MTFMT: variants seen among roughly 807,000 people sequenced by gnomAD.
MTFMT encodes mitochondrial methionyl-tRNA formyltransferase, also known as methionyl-tRNA formyltransferase, mitochondrial.
Under a neutral mutation model 51.8 loss-of-function variants are expected in MTFMT, and 47 were observed. That is an observed-to-expected ratio of 0.91 (90% CI 0.72 to 1.16). MTFMT has a LOEUF of 1.16. Ranked by LOEUF, MTFMT falls within the 50% of genes most tolerant of loss-of-function variation. The pLI is 0.00. For synonymous variants in MTFMT, 196 were observed against 176.7 expected (o/e 1.11, Z -0.87); for missense variants, 512 against 482.3 (o/e 1.06, Z -0.58).
At chr15:65,005,102 T>C (rs1289165569) in intron 7 of MTFMT, among the ~76,000 whole-genome samples, 166 bp from the exon 8 acceptor site, 1 of 152,236 alleles carries the variant, frequency 6.6e-6, no homozygotes, top group Non-Finnish European at 1.5e-5. Context: ...GAAACCACAG[T>C]GCTCTCTGTA....
At chr15:65,028,248 C>T (rs375713986) in intron 1 of MTFMT, among the ~76,000 whole-genome samples, 1 of 152,044 alleles carries the variant, frequency 6.6e-6, no homozygotes, top group Non-Finnish European at 1.5e-5. Context: ...GGTGAAAACC[C>T]GCCTCTACAA....
At chr15:65,023,876 C>A in intron 2 of MTFMT, 82 bp from the exon 3 acceptor site, 1 of 1,245,054 alleles carries the variant, frequency 8.0e-7, no homozygotes, top group South Asian at 2.2e-5. Context: ...TGCTACTTTT[C>A]ATTAGGAAAC....
At chr15:65,011,816 T>C (rs757494647) in intron 6 of MTFMT, among the ~76,000 whole-genome samples, 1 of 152,106 alleles carries the variant, frequency 6.6e-6, no homozygotes, top group Non-Finnish European at 1.5e-5. Context: ...TTTTACTTTG[T>C]TGATAGTGTC....
chr15:65,007,433 TATGA>T (rs1377774371), intron 6 of MTFMT, among the ~76,000 whole-genome samples: 1 of 152,248 alleles, frequency 6.6e-6, no homozygotes, highest in Non-Finnish European at 1.5e-5. Context: ...TAACCCATTT[TATGA>T]ATATGTAATT....
intron 6 of MTFMT, among the ~76,000 whole-genome samples, chr15:65,008,200 T>C (rs1698132488): frequency 6.6e-6 from 1 of 152,210 alleles, no homozygotes; most frequent in South Asian, 2.1e-4. Context: ...TACATATGCA[T>C]TGTTATAATA....
intron 6 of MTFMT, among the ~76,000 whole-genome samples, chr15:65,008,941 TATC>T (rs138803026): frequency 0.073 from 11,189 of 152,256 alleles, 548 homozygotes; most frequent in Admixed American, 0.12. Flanking sequence ...AAGCTCACCT[TATC>T]ATCAGAGCAT....
chr15:65,003,421 T>C (rs1008830276), intron 8 of MTFMT, among the ~76,000 whole-genome samples, 165 bp from the exon 9 acceptor site: 7 of 152,210 alleles, frequency 4.6e-5, no homozygotes, highest in Admixed American at 3.9e-4. Context: ...TAGAATTCCT[T>C]GACTCTATTA....
chr15:65,029,000 G>C (rs1218930897), intron 1 of MTFMT, among the ~76,000 whole-genome samples: 1 of 152,104 alleles, frequency 6.6e-6, no homozygotes. Context: ...AGTGGGACCT[G>C]GTTTTAGTCC....
chr15:65,002,982 AAAG>A lies in MTFMT; in HGVS notation c.*77_*79del. On this transcript the variant is annotated 3_prime_UTR_variant, in exon 9 of 9. Coordinates refer to ENST00000220058, the MANE Select transcript of MTFMT (RefSeq NM_139242.4). ...TGTCTCAAAAAAAAAAAAAAAAAAA[AAAG>A]TCCAGATAATTCCTTGTAAATAAGG... 2.0e-6 allele frequency: 2 copies of A among 985,110 alleles called. No homozygotes were observed. The highest frequency in any genetic ancestry group is 2.8e-5 in the South Asian group (1 of 35,988). The allele number at this position is 985,110 out of a possible 1,614,324, so 61.0% of individuals were successfully genotyped here.
intron 1 of MTFMT, chr15:65,029,181 G>A (rs2086456529): frequency 3.7e-6 from 3 of 812,062 alleles, no homozygotes; most frequent in Admixed American, 1.2e-4. Flanking sequence ...AACCCACAGA[G>A]GCGGCGGGGA....
intron 4 of MTFMT, among the ~76,000 whole-genome samples, chr15:65,021,281 A>C (rs1009865977): frequency 3.3e-5 from 5 of 152,258 alleles, no homozygotes; most frequent in African/African-American, 1.2e-4. Context: ...GTAGTAGGTC[A>C]TGTAAGATCA....
At chr15:65,028,761 G>C (rs1483096228) in intron 1 of MTFMT, among the ~76,000 whole-genome samples, 1 of 152,218 alleles carries the variant, frequency 6.6e-6, no homozygotes, top group African/African-American at 2.4e-5. Flanking sequence ...TGGACTCTCA[G>C]GACTGGTTGG....
chr15:65,007,889 A>G (rs141076794), intron 6 of MTFMT, among the ~76,000 whole-genome samples: 1 of 152,124 alleles, frequency 6.6e-6, no homozygotes, highest in East Asian at 1.9e-4. Context: ...GTTGACTTTT[A>G]ATCTTGGGGA....
chr15:65,004,931 T>C lies in MTFMT; in HGVS notation c.898A>G (p.Lys300Glu), dbSNP rs186670294. ...GGAATAAGAGCCTGTCCCGTTAATT[T>C]TGGATCTGAAGAATGGAAAAAAGAA... ...EVNSSVLADP[K>E]LTGQALIPGS... The change falls in exon 8 of 9, where the codon AAA becomes GAA. Residue 300 changes from lysine (K) to glutamate (E), a missense_variant. Coordinates refer to ENST00000220058, the MANE Select transcript of MTFMT (RefSeq NM_139242.4). 254 of 1,609,616 alleles carry C rather than the reference T, an allele frequency of 1.6e-4. No individual in the cohort carries two copies. Among genetic ancestry groups the C allele is most frequent in the Non-Finnish European group, 2.1e-4 (242 of 1,176,334 alleles).
At chr15:65,003,668 C>A (rs2086196218) in intron 8 of MTFMT, among the ~76,000 whole-genome samples, 1 of 150,662 alleles carries the variant, frequency 6.6e-6, no homozygotes, top group Non-Finnish European at 1.5e-5. Flanking sequence ...ACCAGCCTGA[C>A]CAACATGGCG....
chr15:65,023,755 C>T lies in MTFMT; in HGVS notation c.459G>A (p.Trp153Ter), dbSNP rs771725115. 6.2e-7 allele frequency: 1 copy of T among 1,613,088 alleles called. No individual in the cohort carries two copies. ...LNVHPSCLPR[W>*]RGPAPVIHTV... ...TATGGATTACAGGGGCTGGGCCACG[C>T]CATCTCGGGAGGCAACTGGGATGAA... Residue 153 changes from tryptophan (W) to a stop codon, truncating the protein, a stop_gained, in exon 3 of 9, where the codon TGG becomes TGA. Coordinates refer to ENST00000220058, the MANE Select transcript of MTFMT (RefSeq NM_139242.4). LOFTEE classifies it high-confidence loss of function.
chr15:65,016,385 C>T, intron 6 of MTFMT, 51 bp downstream of exon 6: 6 of 1,018,618 alleles, frequency 5.9e-6, no homozygotes, highest in Non-Finnish European at 7.5e-6. Flanking sequence ...AAGCAAATTA[C>T]ACACATAGAA....
At chr15:65,023,863 T>C in intron 2 of MTFMT, 69 bp from the exon 3 acceptor site, 1 of 1,325,744 alleles carries the variant, frequency 7.5e-7, no homozygotes, top group Non-Finnish European at 1.0e-6. Flanking sequence ...ACCTAAGCTA[T>C]TATGCTACTT....
chr15:65,027,172 T>C (rs989800057), intron 1 of MTFMT, 132 bp from the exon 2 acceptor site: 1 of 667,570 alleles, frequency 1.5e-6, no homozygotes, highest in South Asian at 2.1e-5. Flanking sequence ...AAAACTAGTG[T>C]GAGAGACTGA....
Sources: allele counts gnomAD v4.1 joint callset (sites outside exome capture counted in the v4.1 genomes callset), GRCh38; gene constraint gnomAD v4.1.1; transcripts MANE v1.5; gene names NCBI Gene and HGNC (gene_info 2026-07-23, HGNC 2026-07-21).